Variants in KIAA0753 observed in about 807,000 individuals in gnomAD.
KIAA0753 encodes KIAA0753.
A neutral mutation model predicts 116.9 loss-of-function variants in KIAA0753; 114 were observed. That is an observed-to-expected ratio of 0.98 (90% CI 0.84 to 1.14). The LOEUF is 1.14. Ranked by LOEUF, KIAA0753 falls within the 50% of genes most tolerant of loss-of-function variation. KIAA0753 has a pLI of 0.00. For missense variants in KIAA0753, 1,156 were observed against 1,172.4 expected (o/e 0.99, Z 0.20); for synonymous variants, 405 against 413.1 (o/e 0.98, Z 0.24).
chr17:6,591,038 AAGGAAG>A (rs1968979947), intron 16 of KIAA0753, among the ~76,000 whole-genome samples: 1 of 80,734 alleles, frequency 1.2e-5, no homozygotes, highest in Non-Finnish European at 2.3e-5. Context: ...AAGAAGGAAG[AAGGAAG>A]AAGAAGAAGA....
chr17:6,590,697 T>G, intron 16 of KIAA0753, 67 bp from the exon 17 acceptor site: 1 of 1,580,608 alleles, frequency 6.3e-7, no homozygotes, highest in Non-Finnish European at 8.7e-7. Flanking sequence ...AGAGCTGTTC[T>G]AGTGGCCAAG....
chr17:6,603,098 G>T (rs2150801810), intron 12 of KIAA0753, among the ~76,000 whole-genome samples: 1 of 152,176 alleles, frequency 6.6e-6, no homozygotes, highest in Non-Finnish European at 1.5e-5. Flanking sequence ...AACTCAATAG[G>T]TTAAATGTTA....
At chr17:6,603,304 T>C (rs1454626453) in intron 12 of KIAA0753, among the ~76,000 whole-genome samples, 1 of 151,976 alleles carries the variant, frequency 6.6e-6, no homozygotes, top group Non-Finnish European at 1.5e-5. Flanking sequence ...CACGAAAACT[T>C]CTCAGAATTA....
intron 7 of KIAA0753, among the ~76,000 whole-genome samples, chr17:6,613,364 A>G (rs1970678348): frequency 6.6e-6 from 1 of 152,236 alleles, no homozygotes; most frequent in South Asian, 2.1e-4. Context: ...CATAATTTCA[A>G]GTGCATATTC....
chr17:6,582,300 T>C (rs761496216), intron 18 of KIAA0753, among the ~76,000 whole-genome samples: 11 of 152,364 alleles, frequency 7.2e-5, no homozygotes, highest in South Asian at 4.1e-4. Context: ...CATACTGTGT[T>C]CAAAAGTTAT....
At chr17:6,624,478 T>C (rs1220900454) in intron 4 of KIAA0753, among the ~76,000 whole-genome samples, 1 of 151,458 alleles carries the variant, frequency 6.6e-6, no homozygotes, top group Non-Finnish European at 1.5e-5. Context: ...TGGCTTTTAA[T>C]AGATTCTCAA....
At chr17:6,605,463 G>A (rs1166408702) in intron 12 of KIAA0753, among the ~76,000 whole-genome samples, 3 of 152,142 alleles carry the variant, frequency 2.0e-5, no homozygotes, top group Admixed American at 2.0e-4. Flanking sequence ...TCCTGAGAGG[G>A]GCACCTACAA....
At chr17:6,619,852 C>T (rs1355018727) in intron 7 of KIAA0753, among the ~76,000 whole-genome samples, 3 of 152,134 alleles carry the variant, frequency 2.0e-5, no homozygotes, top group Non-Finnish European at 2.9e-5. Context: ...AACAAAGTCC[C>T]GTATTTCATC....
At chr17:6,582,357 A>G (rs1968239990) in intron 18 of KIAA0753, among the ~76,000 whole-genome samples, 1 of 152,238 alleles carries the variant, frequency 6.6e-6, no homozygotes, top group Non-Finnish European at 1.5e-5. Flanking sequence ...TTTGAAATAC[A>G]GTTAAGTTCA....
rs745412108 is a variant in KIAA0753 at position 6,607,232 on chromosome 17, TTC to T, written c.1866_1867del (p.Lys623GlyfsTer11). The T allele has an allele frequency of 6.2e-7, 1 of 1,614,200 alleles. No homozygotes were observed. The highest frequency in any genetic ancestry group is 2.2e-5 in the East Asian group (1 of 44,892). On this transcript the variant is annotated frameshift_variant, in exon 11 of 19. Transcript: ENST00000361413. LOFTEE classifies it high-confidence loss of function. Reference sequence around the variant, plus strand: ...CTTGGCTTTTAACTCTTCTAGTTCCTTCAATCTTTTGGAAGTTTCAGCATCAA... The same window carrying T: ...CTTGGCTTTTAACTCTTCTAGTTCCTAATCTTTTGGAAGTTTCAGCATCAA...
chr17:6,624,614 G>C (rs1182782492), intron 4 of KIAA0753, 141 bp downstream of exon 4: 3 of 595,514 alleles, frequency 5.0e-6, no homozygotes, highest in African/African-American at 3.7e-5. Context: ...CATGTGTTCA[G>C]GTAATTGAGC....
chr17:6,596,294 A>G lies in KIAA0753; in HGVS notation c.2222T>C (p.Phe741Ser), dbSNP rs1427211226. 6.2e-7 allele frequency: 1 copy of G among 1,613,844 alleles called. No individual in the cohort carries two copies. The highest frequency in any genetic ancestry group is 8.5e-7 in the Non-Finnish European group (1 of 1,179,850). ...GAGCTCACTGGCACAATCTTCCAAA[A>G]AATCATCAAGCTGACGAATGTTGTT... ...ESNNIRQLDD[F>S]LEDCASELWA... The change falls in exon 15 of 19, where the codon TTT (phenylalanine) becomes TCT (serine). Residue 741 changes from phenylalanine (F) to serine (S), a missense_variant. By Grantham distance (155) the Phe-to-Ser change is radical. Transcript: ENST00000361413.
At chr17:6,627,370 T>C (rs1324203909) in intron 3 of KIAA0753, among the ~76,000 whole-genome samples, 4 of 152,222 alleles carry the variant, frequency 2.6e-5, no homozygotes, top group African/African-American at 9.7e-5. Context: ...TACATATGCA[T>C]ATATTAATTA....
chr17:6,608,337 C>A lies in KIAA0753; in HGVS notation c.1829+11G>T. 1.5e-6 allele frequency: 2 copies of A among 1,335,130 alleles called. No homozygotes were observed. The highest frequency in any genetic ancestry group is 2.0e-6 in the Non-Finnish European group (2 of 1,004,034). The allele number at this position is 1,335,130 out of a possible 1,614,324, so 82.7% of individuals were successfully genotyped here. Reference sequence around the variant, plus strand: ...TTAATTCTCAAAGATCTGAAAAATACCAGCACAAACCTGGCTGCTTCATGC... The same window carrying A: ...TTAATTCTCAAAGATCTGAAAAATAACAGCACAAACCTGGCTGCTTCATGC... On this transcript the variant is annotated intron_variant, in intron 10 of 18. Transcript: ENST00000361413.
intron 18 of KIAA0753, among the ~76,000 whole-genome samples, chr17:6,585,929 G>A (rs1968541857): frequency 6.6e-6 from 1 of 152,046 alleles, no homozygotes; most frequent in South Asian, 2.1e-4. Context: ...CCTATTTCCT[G>A]ACTCATCTAT....
At chr17:6,608,592 A>G (rs1427558358) in intron 9 of KIAA0753, 128 bp from the exon 10 acceptor site, 3 of 463,776 alleles carry the variant, frequency 6.5e-6, no homozygotes, top group Non-Finnish European at 1.2e-5. Flanking sequence ...GGGGCCCTAC[A>G]GTAGAAGCTG....
intron 5 of KIAA0753, 138 bp from the exon 6 acceptor site, chr17:6,623,235 G>C: frequency 2.2e-6 from 2 of 903,920 alleles, no homozygotes; most frequent in Non-Finnish European, 1.6e-6. Context: ...CATAGTAAAG[G>C]GAGTTGTAAA....
intron 2 of KIAA0753, 188 bp downstream of exon 2, chr17:6,634,823 T>C (rs1567592614): frequency 1.8e-6 from 1 of 545,352 alleles, no homozygotes; most frequent in South Asian, 2.3e-5. Context: ...TCAGGTTGAC[T>C]GCAATTTGCT....
chr17:6,623,613 A>G (rs1971470284), intron 4 of KIAA0753, 42 bp from the exon 5 acceptor site: 3 of 1,584,760 alleles, frequency 1.9e-6, no homozygotes, highest in African/African-American at 2.7e-5. Context: ...ATACCTTTCC[A>G]TTGATCTTTT....
Sources: allele counts gnomAD v4.1 joint callset (sites outside exome capture counted in the v4.1 genomes callset), GRCh38; gene constraint gnomAD v4.1.1; transcripts MANE v1.5; gene names NCBI Gene and HGNC (gene_info 2026-07-23, HGNC 2026-07-21).